BICRA: variants seen among roughly 807,000 people sequenced by gnomAD.
BICRA encodes BRD4-interacting chromatin-remodeling complex-associated protein.
BICRA carries 31 observed loss-of-function variants against 96.9 expected under a neutral mutation model. The ratio of observed to expected loss-of-function variants is 0.32; its 90% CI spans 0.24 to 0.43. The LOEUF is 0.43. Among genes scored for constraint, BICRA ranks in the 20% least tolerant of loss-of-function variants. The pLI is 1.00. For missense variants in BICRA, 2,283 were observed against 2,190.3 expected (o/e 1.04, Z -0.84); for synonymous variants, 1,350 against 1,071.8 (o/e 1.26, Z -5.07).
chr19:47,695,342 T>TCGGGGGGGGGCCC, intron 9 of BICRA, 23 bp from the exon 10 acceptor site: 3 of 630,200 alleles, frequency 4.8e-6, no homozygotes, highest in Non-Finnish European at 8.5e-6. Context: ...AGGCCCTGTC[T>TCGGGGGGGGGCCC]CCCCCACCCC....
Position 47,694,666 on chromosome 19 carries a change from G to C in BICRA, c.2835G>C (p.Met945Ile). ...PPPPPPRTFQMVTTPFPALPQ... is the reference protein window; with the variant it reads ...PPPPPPRTFQIVTTPFPALPQ... ...CACCGCCTCCTCGGACCTTCCAGAT[G>C]GTGACCACCCCCTTCCCAGCGCTGC... Residue 945 changes from methionine to isoleucine, a missense_variant, in exon 8 of 15, where the codon ATG (methionine) becomes ATC (isoleucine). Coordinates refer to ENST00000594866, the MANE Select transcript of BICRA (RefSeq NM_001394372.1). The C allele has an allele frequency of 6.3e-7, 1 of 1,591,222 alleles. No individual in the cohort carries two copies. Among genetic ancestry groups the C allele is most frequent in the Non-Finnish European group, 8.6e-7 (1 of 1,166,494 alleles).
chr19:47,618,702 G>A (rs1464232084), intron 1 of BICRA, among the ~76,000 whole-genome samples: 1 of 152,158 alleles, frequency 6.6e-6, no homozygotes, highest in Admixed American at 6.6e-5. Flanking sequence ...TATGTCCTCT[G>A]TGTCCCAGCC....
intron 1 of BICRA, among the ~76,000 whole-genome samples, chr19:47,639,679 G>A (rs898705063): frequency 8.7e-5 from 11 of 126,930 alleles, no homozygotes; most frequent in Admixed American, 2.9e-4. Flanking sequence ...TCTCTGTGTC[G>A]CCCTGGTTGG....
At chr19:47,645,176 A>G (rs1555786263) in intron 1 of BICRA, among the ~76,000 whole-genome samples, 1 of 152,148 alleles carries the variant, frequency 6.6e-6, no homozygotes, top group Non-Finnish European at 1.5e-5. Context: ...CGCCAGTTGC[A>G]TTTACTTGTC....
Position 47,701,850 on chromosome 19 carries a change from G to A in BICRA, c.4118G>A (p.Arg1373His). The change falls in exon 15 of 15, where the codon CGC (arginine) becomes CAC (histidine). Residue 1373 changes from arginine to histidine, a missense_variant. Coordinates refer to ENST00000594866, the MANE Select transcript of BICRA (RefSeq NM_001394372.1). This position sits in a 1 kb window ranked among gnomAD's most constrained non-coding sequence, Gnocchi z 5.4. ...CACCCGCCGCCTGCCGCCCCCGAGCGCAAGCCCCTGGGCACCGCCCCGCAC... is the reference window on the plus strand; with the variant it reads ...CACCCGCCGCCTGCCGCCCCCGAGCACAAGCCCCTGGGCACCGCCCCGCAC... ...VDHPPPAAPE[R>H]KPLGTAPHCP... 6.6e-7 allele frequency: 1 copy of A among 1,514,192 alleles called. No individual in the cohort carries two copies. Among genetic ancestry groups the A allele is most frequent in the South Asian group, 1.2e-5 (1 of 82,760 alleles). The allele number at this position is 1,514,192 out of a possible 1,614,324, so 93.8% of individuals were successfully genotyped here.
Position 47,663,403 on chromosome 19 carries a change from A to G in BICRA, c.-107-7040A>G, listed in dbSNP as rs1488313756. 3 of 151,932 alleles carry G rather than the reference A, an allele frequency of 2.0e-5. No homozygotes were observed. In the East Asian group the frequency reaches 5.8e-4, roughly 29 times the overall value. 9.4% of individuals were successfully genotyped at this position (151,932 alleles called of 1,614,324 possible). ...TCCGTCTCAAAAGAAAAAAAAGAAC[A>G]CGGTCTTTTTGTCAGCTCCCATCAA... On this transcript the variant is annotated intron_variant, in intron 1 of 14. Transcript: ENST00000594866.
chr19:47,653,062 C>T (rs925720199), intron 1 of BICRA, among the ~76,000 whole-genome samples: 3 of 148,162 alleles, frequency 2.0e-5, no homozygotes, highest in Admixed American at 6.8e-5. Context: ...TCGCGCCGTC[C>T]GCCAGGCTGG....
At chr19:47,650,181 G>T (rs911026018) in intron 1 of BICRA, among the ~76,000 whole-genome samples, 2 of 151,994 alleles carry the variant, frequency 1.3e-5, no homozygotes, top group African/African-American at 4.8e-5. Context: ...ACCTAGGATG[G>T]AGTGCAGTGG....
intron 5 of BICRA, among the ~76,000 whole-genome samples, chr19:47,677,747 CAG>C (rs1160897126): frequency 6.6e-6 from 1 of 152,216 alleles, no homozygotes; most frequent in Non-Finnish European, 1.5e-5. Flanking sequence ...GCGGTTGGCA[CAG>C]AAGTTCACAA....
chr19:47,689,536 G>A (rs55957734), intron 7 of BICRA, among the ~76,000 whole-genome samples: 3,280 of 151,994 alleles, frequency 0.022, 106 homozygotes, highest in African/African-American at 0.064. Flanking sequence ...CTCAGCCTCC[G>A]GAGTAGCTGG....
Position 47,694,380 on chromosome 19 carries a change from C to A in BICRA, c.2549C>A (p.Pro850Gln). The A allele has an allele frequency of 8.1e-7, 1 of 1,234,748 alleles. No homozygotes were observed. The highest frequency in any genetic ancestry group is 1.2e-6 in the Non-Finnish European group (1 of 858,538). The allele number at this position is 1,234,748 out of a possible 1,614,324, so 76.5% of individuals were successfully genotyped here. A position where few individuals can be genotyped will look rare whatever the true frequency, so the allele number is the denominator to read the frequency against. Residue 850 changes from proline (P) to glutamine (Q), a missense_variant, in exon 8 of 15, where the codon CCG becomes CAG. Transcript: ENST00000594866. ...GGCGTTCCCCCGCCTGCCAGCAACCCGGCCCCTACTGCCCCAGGCCCGCCG... is the reference window on the plus strand; with the variant it reads ...GGCGTTCCCCCGCCTGCCAGCAACCAGGCCCCTACTGCCCCAGGCCCGCCG... ...QLGVPPPASNPAPTAPGPPQP... is the reference protein window; with the variant it reads ...QLGVPPPASNQAPTAPGPPQP...
At chr19:47,638,130 T>G (rs533909960) in intron 1 of BICRA, among the ~76,000 whole-genome samples, 1 of 152,210 alleles carries the variant, frequency 6.6e-6, no homozygotes, top group African/African-American at 2.4e-5. Context: ...CCTCCTGCTC[T>G]TTCTTTGTGT....
Position 47,681,247 on chromosome 19 carries a change from C to A in BICRA, c.2077C>A (p.Gln693Lys). The change falls in exon 6 of 15, where the codon CAG becomes AAG. Residue 693 changes from glutamine to lysine, a missense_variant. Coordinates refer to ENST00000594866, the MANE Select transcript of BICRA (RefSeq NM_001394372.1). ...PSATPTAILT[Q>K]DSLQMFLPQE... ...TGCCACCCCCACGGCCATCCTCACT[C>A]AGGACTCCCTGCAGATGTTCCTGCC... is the stretch of plus-strand genomic sequence containing the variant. 6.5e-7 allele frequency: 1 copy of A among 1,538,950 alleles called. No homozygotes were observed. Among genetic ancestry groups the A allele is most frequent in the Non-Finnish European group, 8.7e-7 (1 of 1,148,188 alleles).
At position 47,694,295 on chromosome 19, in the gene BICRA, TGCCCCCCACCCCAG is replaced by T; in HGVS notation, c.2472_2485del (p.Pro825AsnfsTer41). 1.3e-5 allele frequency: 9 copies of T among 681,816 alleles called. No homozygotes were observed. The highest frequency in any genetic ancestry group is 2.1e-5 in the Non-Finnish European group (9 of 424,718). 42.2% of individuals were successfully genotyped at this position (681,816 alleles called of 1,614,324 possible). A position where few individuals can be genotyped will look rare whatever the true frequency, so the allele number is the denominator to read the frequency against. ...TCCCTCAGAGCCACCCTTGCACCCT[TGCCCCCCACCCCAG>T]GCCCCCCCAACTCTGCCTGGCATCT... On this transcript the variant is annotated frameshift_variant, in exon 8 of 15. Coordinates refer to ENST00000594866, the MANE Select transcript of BICRA (RefSeq NM_001394372.1). LOFTEE classifies it high-confidence loss of function.
chr19:47,669,844 GACCGGGTTTC>G (rs1277489653), intron 1 of BICRA, among the ~76,000 whole-genome samples: 1 of 151,662 alleles, frequency 6.6e-6, no homozygotes, highest in Non-Finnish European at 1.5e-5. Flanking sequence ...TTTTAGTAGA[GACCGGGTTTC>G]ACCGGGTTAG....
chr19:47,649,074 A>C (rs1972505768), intron 1 of BICRA, among the ~76,000 whole-genome samples: 1 of 151,932 alleles, frequency 6.6e-6, no homozygotes, highest in Admixed American at 6.6e-5. Flanking sequence ...GATGGTCTCA[A>C]TCTCCTGACC....
intron 1 of BICRA, among the ~76,000 whole-genome samples, chr19:47,659,054 A>G (rs1350320352): frequency 4.6e-5 from 7 of 152,184 alleles, no homozygotes; most frequent in African/African-American, 1.7e-4. Flanking sequence ...CTTTTGAGAT[A>G]CCTGGTTTTC....
Position 47,680,022 on chromosome 19 carries a change from G to A in BICRA, c.852G>A (p.Gly284=). The change falls in exon 6 of 15, where the codon GGG becomes GGA. Residue 284 remains glycine (G), a synonymous_variant. Transcript: ENST00000594866. ...CGTCGGCCGGTGTCTCGCCACAGGG[G>A]GCTGGCCTGGTCATCCAGAAGAACC... ...TLASAGVSPQ[G]AGLVIQKNLS... 6.5e-7 allele frequency: 1 copy of A among 1,534,722 alleles called. No homozygotes were observed. Among genetic ancestry groups the A allele is most frequent in the African/African-American group, 1.4e-5 (1 of 71,628 alleles).
At chr19:47,682,261 C>T in intron 7 of BICRA, 109 bp downstream of exon 7, 2 of 586,550 alleles carry the variant, frequency 3.4e-6, no homozygotes, top group Non-Finnish European at 6.0e-6. Context: ...GTTCTGCTGA[C>T]TTGGAACACA....
Sources: allele counts gnomAD v4.1 joint callset (sites outside exome capture counted in the v4.1 genomes callset), GRCh38; gene constraint gnomAD v4.1.1; non-coding constraint Gnocchi (gnomAD v3.1); transcripts MANE v1.5; gene names NCBI Gene and HGNC (gene_info 2026-07-23, HGNC 2026-07-21).